DPP6: variants seen among roughly 807,000 people sequenced by gnomAD.
DPP6 encodes the protein A-type potassium channel modulatory protein DPP6.
A neutral mutation model predicts 122.6 loss-of-function variants in DPP6; 69 were observed. The observed-to-expected ratio is 0.56, with a 90% CI of 0.46 to 0.69. The LOEUF is 0.69. DPP6 is among the 30% of genes least tolerant of loss of function. The probability of loss-of-function intolerance (pLI) is 0.00; values close to 1 mark genes in which losing one functional copy is unlikely to be tolerated. For synonymous variants in DPP6, 418 were observed against 433.1 expected (o/e 0.97, Z 0.43); for missense variants, 928 against 1,116.9 (o/e 0.83, Z 2.41).
chr7:154,370,004 A>ATTTATT (rs1209483471), intron 1 of DPP6, among the ~76,000 whole-genome samples: 1 of 75,390 alleles, frequency 1.3e-5, no homozygotes, highest in Non-Finnish European at 3.3e-5. Context: ...ATTTATTTAG[A>ATTTATT]TAGAGTCTCA....
At chr7:154,737,567 C>T (rs1038117497) in intron 8 of DPP6, among the ~76,000 whole-genome samples, 26 of 152,098 alleles carry the variant, frequency 1.7e-4, no homozygotes, top group Non-Finnish European at 3.2e-4. Context: ...CACAGAGGGC[C>T]AACTCTTTCC....
intron 7 of DPP6, among the ~76,000 whole-genome samples, chr7:154,711,644 A>G (rs1841186570): frequency 1.2e-5 from 1 of 86,622 alleles, no homozygotes; most frequent in South Asian, 4.7e-4. Flanking sequence ...GTTCCATTTC[A>G]AGTCCAAGGT....
chr7:154,173,550 T>G (rs4726382), intron 1 of DPP6, among the ~76,000 whole-genome samples: 121,803 of 151,860 alleles, frequency 0.8, 49,248 homozygotes, highest in East Asian at 0.95. Flanking sequence ...CTCTCTCTGT[T>G]TCCTCCCCCT....
chr7:154,652,546 C>CTT (rs1382126128), intron 6 of DPP6, among the ~76,000 whole-genome samples: 2 of 152,024 alleles, frequency 1.3e-5, no homozygotes, highest in Non-Finnish European at 2.9e-5. Context: ...GTGACAGAGC[C>CTT]CACAAGCACA....
intron 8 of DPP6, among the ~76,000 whole-genome samples, chr7:154,734,343 C>T (rs1842479195): frequency 6.6e-6 from 1 of 152,136 alleles, no homozygotes; most frequent in Non-Finnish European, 1.5e-5. Flanking sequence ...TACAGAAGCC[C>T]CCTGGAGTGT....
At chr7:154,125,446 C>T (rs991226844) in intron 1 of DPP6, among the ~76,000 whole-genome samples, 7 of 152,100 alleles carry the variant, frequency 4.6e-5, no homozygotes, top group African/African-American at 1.7e-4. Flanking sequence ...AGCTAAGAAA[C>T]ATAATGAAAT....
chr7:154,064,725 A>C (rs936054960), intron 1 of DPP6, among the ~76,000 whole-genome samples: 9 of 152,166 alleles, frequency 5.9e-5, no homozygotes, highest in African/African-American at 2.2e-4. Flanking sequence ...GAAGTTTTAC[A>C]GTTCCTAACG....
At chr7:154,638,418 A>C (rs1034585730) in intron 6 of DPP6, among the ~76,000 whole-genome samples, 3 of 152,144 alleles carry the variant, frequency 2.0e-5, no homozygotes, top group Non-Finnish European at 4.4e-5. Flanking sequence ...CATCACTCCG[A>C]GGGGGTTTCA....
chr7:154,094,383 C>G (rs1049712193), intron 1 of DPP6: 2 of 152,328 alleles, frequency 1.3e-5, no homozygotes, highest in Non-Finnish European at 2.9e-5. Context: ...TTTTCCATGT[C>G]TGTGTGATTT....
intron 1 of DPP6, among the ~76,000 whole-genome samples, chr7:154,298,888 T>G (rs1805717136): frequency 6.6e-6 from 1 of 152,220 alleles, no homozygotes; most frequent in Non-Finnish European, 1.5e-5. Flanking sequence ...CAGCCTTGCT[T>G]GTTGGGCCTG....
chr7:154,625,163 C>T (rs557452864), intron 5 of DPP6, among the ~76,000 whole-genome samples: 12 of 152,124 alleles, frequency 7.9e-5, no homozygotes, highest in Non-Finnish European at 1.3e-4. Flanking sequence ...CACATGTGCA[C>T]GTGGGGCAGA....
chr7:154,144,513 A>C (rs1240483961), intron 1 of DPP6, among the ~76,000 whole-genome samples: 3 of 152,014 alleles, frequency 2.0e-5, no homozygotes, highest in African/African-American at 7.2e-5. Flanking sequence ...GTGGCTTAGA[A>C]ACCATCTTTC....
Position 154,863,127 on chromosome 7 carries a change from C to A in DPP6, c.1715-4868C>A, listed in dbSNP as rs576959943. Among the ~76,000 whole-genome samples, 1 of 152,242 alleles carries A rather than the reference C, an allele frequency of 6.6e-6. No homozygotes were observed. Among genetic ancestry groups the A allele is most frequent in the African/African-American group, 2.4e-5 (1 of 41,550 alleles). On this transcript the variant is annotated intron_variant, in intron 17 of 25. Transcript: ENST00000377770. The surrounding 1 kb of genome is among the most constrained non-coding windows in gnomAD (Gnocchi z 4.1). ...ATGTTGCCCAGGCTGGTCTCGGACT[C>A]CTGGACTCAAGTGATCCTCCTCCCT...
At chr7:154,419,074 A>T (rs1817248356) in intron 1 of DPP6, among the ~76,000 whole-genome samples, 1 of 152,264 alleles carries the variant, frequency 6.6e-6, no homozygotes, top group Admixed American at 6.5e-5. Flanking sequence ...AATGGAATAC[A>T]AGAATTAATG....
chr7:154,860,233 G>T (rs1044348310), intron 17 of DPP6, among the ~76,000 whole-genome samples: 1 of 152,078 alleles, frequency 6.6e-6, no homozygotes, highest in Non-Finnish European at 1.5e-5. Flanking sequence ...GACTGTCAAG[G>T]CTGTGCCCAC....
chr7:154,588,225 G>A, intron 5 of DPP6: 1 of 1,418,886 alleles, frequency 7.0e-7, no homozygotes. Flanking sequence ...CCAGAGGAGG[G>A]AGGGAGGGAC....
At chr7:154,691,411 T>C (rs1249922158) in intron 7 of DPP6, among the ~76,000 whole-genome samples, 1 of 152,196 alleles carries the variant, frequency 6.6e-6, no homozygotes, top group East Asian at 1.9e-4. Context: ...TGGTATTTAT[T>C]TTATGCTTAT....
At chr7:154,698,608 A>G (rs1288326094) in intron 7 of DPP6, among the ~76,000 whole-genome samples, 13 of 152,248 alleles carry the variant, frequency 8.5e-5, no homozygotes, top group African/African-American at 3.1e-4. Context: ...AGTTAATTAA[A>G]TTCACATATA....
intron 1 of DPP6, among the ~76,000 whole-genome samples, chr7:154,286,804 C>CTTCTTTTTTTTTT (rs1554509249): frequency 7.5e-6 from 1 of 133,934 alleles, no homozygotes. Context: ...ATGATTTCTT[C>CTTCTTTTTTTTTT]TTTTTTTTTT....
Sources: gnomAD v4.1 joint callset for allele counts (sites outside exome capture counted in the v4.1 genomes callset) on GRCh38, gnomAD v4.1.1 for gene constraint, Gnocchi (gnomAD v3.1) non-coding constraint, MANE v1.5 for transcripts, NCBI Gene and HGNC (gene_info 2026-07-23, HGNC 2026-07-21) for gene names.